The following ZNF24 variants were observed in gnomAD, a reference collection of about 807,000 sequenced individuals.
The protein encoded by ZNF24 is zinc finger protein 24, also known as retinoic acid suppression protein A.
ZNF24 carries 11 observed loss-of-function variants against 40.9 expected under a neutral mutation model. The observed-to-expected ratio is 0.27, with a 90% CI of 0.17 to 0.45. ZNF24 has a LOEUF of 0.45. Among genes scored for constraint, ZNF24 ranks in the 20% least tolerant of loss-of-function variants. ZNF24 has a pLI of 1.00. For synonymous variants in ZNF24, 139 were observed against 154.7 expected, an observed-to-expected ratio of 0.90 and a Z score of 0.75; for missense variants, 293 against 437.7, an observed-to-expected ratio of 0.67 and a Z score of 2.95.
At chr18:35,342,231 TATAA>T (rs1390829542) in intron 1 of ZNF24, among the ~76,000 whole-genome samples, 2 of 151,464 alleles carry the variant, frequency 1.3e-5, no homozygotes, top group African/African-American at 4.8e-5. Context: ...AGAATAAGGA[TATAA>T]ATATATTTGT....
In ZNF24 at chr18:35,333,621, A is replaced by C. The variant is rs966967514; in HGVS notation, c.*3611T>G. 3.3e-5 allele frequency: 5 copies of C among 152,190 alleles called. No homozygotes were observed. The highest frequency in any genetic ancestry group is 2.0e-4 in the Admixed American group (3 of 15,284). The allele number at this position is 152,190 out of a possible 1,614,324, so 9.4% of individuals were successfully genotyped here. ...AAATTTTGCCTACCAGATTGGCAAA[A>C]ATTTTTAAGGATTCAGGGTTGGCAG... On this transcript the variant is annotated 3_prime_UTR_variant, in exon 4 of 4. Coordinates refer to ENST00000261332, the MANE Select transcript of ZNF24 (RefSeq NM_006965.4).
intron 3 of ZNF24, 95 bp downstream of exon 3, chr18:35,339,734 A>G (rs926925860): frequency 3.5e-6 from 4 of 1,148,336 alleles, no homozygotes; most frequent in East Asian, 2.5e-5. Flanking sequence ...ATTAAGAGTG[A>G]TATGATCCCC....
rs2044917098 is a variant in ZNF24 at position 35,337,045 on chromosome 18, G to A, written c.*187C>T. The A allele has an allele frequency of 4.2e-6, 2 of 475,216 alleles. No homozygotes were observed. The highest frequency in any genetic ancestry group is 8.4e-5 in the South Asian group (1 of 11,940). The allele number at this position is 475,216 out of a possible 1,614,324, so 29.4% of individuals were successfully genotyped here. A position where few individuals can be genotyped will look rare whatever the true frequency, so the allele number is the denominator to read the frequency against. On this transcript the variant is annotated 3_prime_UTR_variant, in exon 4 of 4. Coordinates refer to ENST00000261332, the MANE Select transcript of ZNF24 (RefSeq NM_006965.4). ...ATTAAGTTTAAAATTTCAGTTTCTA[G>A]GCAGGTATGACACCATTTCTTTCAA...
Position 35,332,239 on chromosome 18 carries a change from A to G in ZNF24, c.*4993T>C, listed in dbSNP as rs997473266. On this transcript the variant is annotated 3_prime_UTR_variant, in exon 4 of 4. Transcript: ENST00000261332. ...GACACAGGCCAAATCATGGAAGGCC[A>G]TGCTAATTTTATTAACTTATATAGT... 1 of 152,256 alleles carries G rather than the reference A, an allele frequency of 6.6e-6. No individual in the cohort carries two copies. Among genetic ancestry groups the G allele is most frequent in the African/African-American group, 2.4e-5 (1 of 41,476 alleles). 9.4% of individuals were successfully genotyped at this position (152,256 alleles called of 1,614,324 possible).
rs1216959516 is a variant in ZNF24, at chr18:35,344,103, G to A, written c.-84+257C>T. ...CCTCGAAATAGAACAAAACCGGCCGGTGGGGGAGGGGGAAGGTGAGGGTCT... is the reference window on the plus strand; with the variant it reads ...CCTCGAAATAGAACAAAACCGGCCGATGGGGGAGGGGGAAGGTGAGGGTCT... On this transcript the variant is annotated intron_variant, in intron 1 of 3. Coordinates refer to ENST00000261332, the MANE Select transcript of ZNF24 (RefSeq NM_006965.4). 2.6e-5 allele frequency among the ~76,000 whole-genome samples: 4 copies of A among 152,172 alleles called. No individual in the cohort carries two copies. In the East Asian group the frequency reaches 5.8e-4, roughly 22 times the overall value.
Position 35,340,667 on chromosome 18 carries a change from TCAAGAAAAGACAACTGAGG to T in ZNF24, c.-36_-18del. 4.4e-6 allele frequency: 7 copies of T among 1,602,548 alleles called. No homozygotes were observed. Among genetic ancestry groups the T allele is most frequent in the Non-Finnish European group, 6.0e-6 (7 of 1,175,208 alleles). Reference sequence around the variant, plus strand: ...TGCAGACATTCTGATTTATAATATTTCAAGAAAAGACAACTGAGGCAGAATATAAGCCTCAGGGCAATAC... The same window carrying T: ...TGCAGACATTCTGATTTATAATATTTCAGAATATAAGCCTCAGGGCAATAC... On this transcript the variant is annotated 5_prime_UTR_variant, in exon 2 of 4. Transcript: ENST00000261332. This position sits in a 1 kb window ranked among gnomAD's most constrained non-coding sequence, Gnocchi z 4.6.
intron 3 of ZNF24, among the ~76,000 whole-genome samples, chr18:35,339,626 G>A (rs1208727408): frequency 6.6e-6 from 1 of 152,154 alleles, no homozygotes; most frequent in African/African-American, 2.4e-5. Flanking sequence ...TTAGGAAGGA[G>A]ACTGAAAGGG....
chr18:35,340,348 A>C lies in ZNF24; in HGVS notation c.303T>G (p.Val101=), dbSNP rs2044956051. The part of the protein sequence containing the change: ...ILELVVLEQF[V]AILPKELQTW... ...TCTGTAGCTCTTTGGGTAGGATGGC[A>C]ACAAACTGCTCCAGCACTACCAGCT... Residue 101 remains valine, a synonymous_variant, in exon 2 of 4, where the codon GTT becomes GTG. Coordinates refer to ENST00000261332, the MANE Select transcript of ZNF24 (RefSeq NM_006965.4). This position sits in a 1 kb window ranked among gnomAD's most constrained non-coding sequence, Gnocchi z 4.6. 6.2e-7 allele frequency: 1 copy of C among 1,614,208 alleles called. No individual in the cohort carries two copies. The highest frequency in any genetic ancestry group is 8.5e-7 in the Non-Finnish European group (1 of 1,180,032).
At chr18:35,343,214 C>T (rs2044985402) in intron 1 of ZNF24, among the ~76,000 whole-genome samples, 1 of 152,032 alleles carries the variant, frequency 6.6e-6, no homozygotes, top group Non-Finnish European at 1.5e-5. Flanking sequence ...GCACATAATA[C>T]GTAAATATTC....
Position 35,340,078 on chromosome 18 carries a change from A to G in ZNF24, c.421-102T>C. 1 of 1,500,858 alleles carries G rather than the reference A, an allele frequency of 6.7e-7. No individual in the cohort carries two copies. The highest frequency in any genetic ancestry group is 9.1e-7 in the Non-Finnish European group (1 of 1,104,900). The allele number at this position is 1,500,858 out of a possible 1,614,324, so 93.0% of individuals were successfully genotyped here. A position where few individuals can be genotyped will look rare whatever the true frequency, so the allele number is the denominator to read the frequency against. ...TGAAACAAATACTGCAGAAGCCTAG[A>G]TGGCAAAGCGGCACAGATAACAAGG... On this transcript the variant is annotated intron_variant, in intron 2 of 3. Transcript: ENST00000261332. The surrounding 1 kb of genome is among the most constrained non-coding windows in gnomAD (Gnocchi z 4.6).
chr18:35,336,515 T>C lies in ZNF24; in HGVS notation c.*717A>G, dbSNP rs1185409996. 7 of 152,210 alleles carry C rather than the reference T, an allele frequency of 4.6e-5. No individual in the cohort carries two copies. 9.4% of individuals were successfully genotyped at this position (152,210 alleles called of 1,614,324 possible). On this transcript the variant is annotated 3_prime_UTR_variant, in exon 4 of 4. Coordinates refer to ENST00000261332, the MANE Select transcript of ZNF24 (RefSeq NM_006965.4). Reference sequence around the variant, plus strand: ...TTTTTAATAATATATGGGAAAACATTATTTTCATTAGTAAGATGACTCCAA... The same window carrying C: ...TTTTTAATAATATATGGGAAAACATCATTTTCATTAGTAAGATGACTCCAA...
intron 1 of ZNF24, chr18:35,343,783 ATGTT>A (rs1161207953): frequency 1.3e-5 from 2 of 152,480 alleles, no homozygotes; most frequent in Non-Finnish European, 2.9e-5. Flanking sequence ...GGTCCCGACA[ATGTT>A]TGGGCAGGGT....
At chr18:35,338,291 C>G (rs1418736526) in intron 3 of ZNF24, 44 of 985,356 alleles carry the variant, frequency 4.5e-5, no homozygotes, top group Non-Finnish European at 4.9e-5. Context: ...GGAGTCTTGA[C>G]AAGAAGGGGC....
Position 35,340,255 on chromosome 18 carries a change from A to T in ZNF24, c.396T>A (p.Ser132Arg). The change falls in exon 2 of 4, where the codon AGT becomes AGA. Residue 132 changes from serine to arginine, a missense_variant. Coordinates refer to ENST00000261332, the MANE Select transcript of ZNF24 (RefSeq NM_006965.4). The surrounding 1 kb of genome is among the most constrained non-coding windows in gnomAD (Gnocchi z 4.6). ...CCGGTTGTCCAGGGTCATCAAGTTC[A>T]CTCTCCAAATCCTCCAGCACTGTCA... ...EAVTVLEDLE[S>R]ELDDPGQPVS... 1 of 1,613,224 alleles carries T rather than the reference A, an allele frequency of 6.2e-7. No homozygotes were observed. The highest frequency in any genetic ancestry group is 8.5e-7 in the Non-Finnish European group (1 of 1,179,330).
Position 35,337,175 on chromosome 18 carries a change from G to T in ZNF24, c.*57C>A. 7.6e-7 allele frequency: 1 copy of T among 1,320,936 alleles called. No individual in the cohort carries two copies. The allele number at this position is 1,320,936 out of a possible 1,614,324, so 81.8% of individuals were successfully genotyped here. ...TGCATCATTTCATATTTTAAATTTTGTCTTCATTTCTGAAGAAAAAGACCT... is the reference window on the plus strand; with the variant it reads ...TGCATCATTTCATATTTTAAATTTTTTCTTCATTTCTGAAGAAAAAGACCT... On this transcript the variant is annotated 3_prime_UTR_variant, in exon 4 of 4. Coordinates refer to ENST00000261332, the MANE Select transcript of ZNF24 (RefSeq NM_006965.4).
At chr18:35,339,464 T>G (rs914396935) in intron 3 of ZNF24, among the ~76,000 whole-genome samples, 1 of 152,162 alleles carries the variant, frequency 6.6e-6, no homozygotes, top group African/African-American at 2.4e-5. Context: ...TCAGGTAAGC[T>G]TACTGTACCA....
rs919909548 is a variant in ZNF24 at position 35,337,964 on chromosome 18, G to T, written c.569-194C>A. On this transcript the variant is annotated intron_variant, in intron 3 of 3. Transcript: ENST00000261332. ...TAACAGTATAACATCATGATATAAG[G>T]GATATCTGAATAAAACATAGGCAAG... The T allele has an allele frequency of 2.6e-5, 13 of 498,106 alleles. 1 individual carries two copies. In the South Asian group the frequency reaches 5.2e-4, roughly 20 times the overall value. 30.9% of individuals were successfully genotyped at this position (498,106 alleles called of 1,614,324 possible).
rs773718175 is a variant in ZNF24, at chr18:35,340,449, C to T, written c.202G>A (p.Glu68Lys). ...AGTTCTCGGAGCTGGCTCACAGCCTCACGGGGCCCAGGTGAATCCTGGTAT... is the reference window on the plus strand; with the variant it reads ...AGTTCTCGGAGCTGGCTCACAGCCTTACGGGGCCCAGGTGAATCCTGGTAT... Reference protein sequence around the residue: ...FGYQDSPGPREAVSQLRELCR... With the variant: ...FGYQDSPGPRKAVSQLRELCR... The change falls in exon 2 of 4, where the codon GAG becomes AAG. Residue 68 changes from glutamate to lysine, a missense_variant. By Grantham distance (56) the Glu-to-Lys change is moderately conservative. This residue lies in a region of ZNF24 where 234 missense variants were observed against 299.2 expected (regional missense o/e 0.78). Coordinates refer to ENST00000261332, the MANE Select transcript of ZNF24 (RefSeq NM_006965.4). This position sits in a 1 kb window ranked among gnomAD's most constrained non-coding sequence, Gnocchi z 4.6. The T allele has an allele frequency of 6.2e-7, 1 of 1,614,222 alleles. No individual in the cohort carries two copies. The highest frequency in any genetic ancestry group is 8.5e-7 in the Non-Finnish European group (1 of 1,180,028).
rs2044956859 is a variant in ZNF24, at chr18:35,340,422, A to C, written c.229T>G (p.Cys77Gly). 2.5e-6 allele frequency: 4 copies of C among 1,614,114 alleles called. No homozygotes were observed. In the African/African-American group the frequency reaches 5.3e-5, roughly 22 times the overall value. Residue 77 changes from cysteine (C) to glycine (G), a missense_variant, in exon 2 of 4, where the codon TGC (cysteine) becomes GGC (glycine). Transcript: ENST00000261332. This position sits in a 1 kb window ranked among gnomAD's most constrained non-coding sequence, Gnocchi z 4.6. ...GTCTCTGGCCTGAGCCACAGACGGCAAAGTTCTCGGAGCTGGCTCACAGCC... is the reference window on the plus strand; with the variant it reads ...GTCTCTGGCCTGAGCCACAGACGGCCAAGTTCTCGGAGCTGGCTCACAGCC... ...REAVSQLREL[C>G]RLWLRPETHT...
Sources: gnomAD v4.1 joint callset for allele counts (sites outside exome capture counted in the v4.1 genomes callset) on GRCh38, gnomAD v4.1.1 for gene constraint, gnomAD v4.1.1 regional missense constraint, Gnocchi (gnomAD v3.1) non-coding constraint, MANE v1.5 for transcripts, NCBI Gene and HGNC (gene_info 2026-07-23, HGNC 2026-07-21) for gene names.